Variants in MYT1L observed in about 807,000 individuals in gnomAD.
MYT1L encodes myelin transcription factor 1 like.
MYT1L carries 12 observed loss-of-function variants against 126.7 expected under a neutral mutation model. That is an observed-to-expected ratio of 0.09 (90% confidence interval 0.06 to 0.15). The LOEUF (loss-of-function observed/expected upper bound fraction) is 0.15. MYT1L is among the 10% of genes least tolerant of loss of function. MYT1L has a pLI of 1.00. For missense variants in MYT1L, 979 were observed against 1,585.2 expected (o/e 0.62, Z 6.49); for synonymous variants, 541 against 604.2 (o/e 0.90, Z 1.53).
At chr2:2,259,376 C>T (rs2094899978) in intron 2 of MYT1L, among the ~76,000 whole-genome samples, 2 of 135,230 alleles carry the variant, frequency 1.5e-5, no homozygotes, top group African/African-American at 5.9e-5. Flanking sequence ...CACATGTACC[C>T]TAAAACTTAG....
At chr2:2,090,519 T>C (rs998229660) in intron 3 of MYT1L, among the ~76,000 whole-genome samples, 2 of 152,152 alleles carry the variant, frequency 1.3e-5, no homozygotes, top group Non-Finnish European at 2.9e-5. Flanking sequence ...TGGTGGAGGG[T>C]TTTGCCTCAA....
intron 1 of MYT1L, among the ~76,000 whole-genome samples, chr2:2,317,830 T>C (rs1454011633): frequency 6.6e-6 from 1 of 152,048 alleles, no homozygotes; most frequent in Non-Finnish European, 1.5e-5. Context: ...TAAAATGATT[T>C]TGTAATCATC....
At chr2:2,208,519 C>T (rs1219258556) in intron 2 of MYT1L, among the ~76,000 whole-genome samples, 1 of 152,132 alleles carries the variant, frequency 6.6e-6, no homozygotes, top group Non-Finnish European at 1.5e-5. Flanking sequence ...ACTGAGCCTC[C>T]TTTGCATATA....
chr2:1,956,932 A>C (rs1032855656), intron 8 of MYT1L, among the ~76,000 whole-genome samples: 2 of 152,090 alleles, frequency 1.3e-5, no homozygotes, highest in Admixed American at 6.6e-5. Flanking sequence ...CTCCTTCTAG[A>C]GTCTGTGTTC....
intron 21 of MYT1L, among the ~76,000 whole-genome samples, chr2:1,817,791 G>A (rs2037914916): frequency 6.6e-6 from 1 of 152,236 alleles, no homozygotes; most frequent in African/African-American, 2.4e-5. Flanking sequence ...GGTCCCGGGT[G>A]TAAATTATAA....
At chr2:1,914,051 C>T (rs1486145557) in intron 11 of MYT1L, among the ~76,000 whole-genome samples, 2 of 151,976 alleles carry the variant, frequency 1.3e-5, no homozygotes, top group African/African-American at 2.4e-5. Flanking sequence ...GTCAGGAGTT[C>T]GAGACCAGCC....
chr2:2,055,905 T>C (rs879030770), intron 3 of MYT1L, among the ~76,000 whole-genome samples: 1 of 152,214 alleles, frequency 6.6e-6, no homozygotes, highest in Non-Finnish European at 1.5e-5. Flanking sequence ...TTGGGAAAAG[T>C]GTTTTTTCTA....
chr2:1,955,753 T>C lies in MYT1L; in HGVS notation c.153-12419A>G, dbSNP rs563335574. On this transcript the variant is annotated intron_variant, in intron 8 of 24. Coordinates refer to ENST00000647738, the MANE Select transcript of MYT1L (RefSeq NM_001303052.2). ...ACTTTTTTGTTGAAGCATAACCTTA[T>C]AACTGAACCCATCTGTCCTGGGATG... Among the ~76,000 whole-genome samples, 5 of 152,364 alleles carry C rather than the reference T, an allele frequency of 3.3e-5. No homozygotes were observed. The South Asian group carries it at 1.0e-3, about 32-fold the overall frequency.
At chr2:1,950,983 C>T (rs774952170) in intron 8 of MYT1L, among the ~76,000 whole-genome samples, 2 of 152,058 alleles carry the variant, frequency 1.3e-5, no homozygotes, top group African/African-American at 4.8e-5. Flanking sequence ...ACATGTGGGA[C>T]GCGGCCTGGT....
intron 2 of MYT1L, among the ~76,000 whole-genome samples, chr2:2,245,075 C>T (rs60680417): frequency 0.012 from 1,837 of 152,210 alleles, 30 homozygotes; most frequent in African/African-American, 0.041. Flanking sequence ...ACAGCATACT[C>T]GTATTACAGT....
intron 1 of MYT1L, among the ~76,000 whole-genome samples, chr2:2,303,170 A>G (rs2095810010): frequency 6.6e-6 from 1 of 152,198 alleles, no homozygotes. Context: ...GATCACCTTC[A>G]TCAACATAAT....
At chr2:1,937,123 T>C (rs114057267) in intron 9 of MYT1L, among the ~76,000 whole-genome samples, 3,589 of 152,284 alleles carry the variant, frequency 0.024, 82 homozygotes, top group Non-Finnish European at 0.038. Context: ...CACAGATTAC[T>C]GGCCATGGTG....
At chr2:2,162,553 G>A (rs2088189372) in intron 3 of MYT1L, among the ~76,000 whole-genome samples, 2 of 152,136 alleles carry the variant, frequency 1.3e-5, no homozygotes, top group South Asian at 4.1e-4. Flanking sequence ...CCAGTTTCCA[G>A]GGCAGTGGAT....
In MYT1L at chr2:1,880,929, G is replaced by A. The variant is rs185199477; in HGVS notation, c.2711+5610C>T. On this transcript the variant is annotated intron_variant, in intron 18 of 24. Coordinates refer to ENST00000647738, the MANE Select transcript of MYT1L (RefSeq NM_001303052.2). ...AGACAATGGCGAGGCATAAACAGAC[G>A]GACCTGCACTGCGTTTCAAATATTG... 3.8e-3 allele frequency among the ~76,000 whole-genome samples: 573 copies of A among 152,244 alleles called. 5 individuals carry two copies. The highest frequency in any genetic ancestry group is 6.3e-3 in the Non-Finnish European group (430 of 68,018).
At chr2:2,229,046 T>C (rs2094094780) in intron 2 of MYT1L, among the ~76,000 whole-genome samples, 2 of 152,204 alleles carry the variant, frequency 1.3e-5, no homozygotes, top group East Asian at 1.9e-4. Flanking sequence ...GTATTTTCTA[T>C]GCCTTTACAA....
intron 3 of MYT1L, among the ~76,000 whole-genome samples, chr2:2,102,122 T>TG (rs1018643668): frequency 6.6e-6 from 1 of 152,180 alleles, no homozygotes; most frequent in African/African-American, 2.4e-5. Context: ...CTTATACCAC[T>TG]GGGGGGAAGC....
intron 13 of MYT1L, among the ~76,000 whole-genome samples, chr2:1,904,529 T>C: frequency 6.7e-6 from 1 of 150,104 alleles, no homozygotes; most frequent in East Asian, 2.0e-4. Flanking sequence ...CCACCACACC[T>C]GGCTAATTTT....
intron 2 of MYT1L, among the ~76,000 whole-genome samples, chr2:2,174,019 T>C (rs2090422412): frequency 3.3e-5 from 5 of 152,186 alleles, no homozygotes; most frequent in Non-Finnish European, 2.9e-5. Flanking sequence ...ATAACAATTA[T>C]TATTATTTCC....
intron 3 of MYT1L, among the ~76,000 whole-genome samples, chr2:2,086,400 A>G (rs2150352876): frequency 6.6e-6 from 1 of 152,324 alleles, no homozygotes; most frequent in Non-Finnish European, 1.5e-5. Flanking sequence ...ATACTTGTAC[A>G]TAGTAGTTAT....
Sources: allele counts gnomAD v4.1 joint callset (sites outside exome capture counted in the v4.1 genomes callset), GRCh38; gene constraint gnomAD v4.1.1; transcripts MANE v1.5; gene names NCBI Gene and HGNC (gene_info 2026-07-23, HGNC 2026-07-21).